GNAO1: variants seen among roughly 807,000 people sequenced by gnomAD.
GNAO1 encodes guanine nucleotide-binding protein G(o) subunit alpha.
For missense variants in GNAO1, 166 were observed against 478.7 expected, an observed-to-expected ratio of 0.35 and a Z score of 6.10; for synonymous variants, 164 against 180.7, an observed-to-expected ratio of 0.91 and a Z score of 0.74.
intron 3 of GNAO1, among the ~76,000 whole-genome samples, chr16:56,294,489 G>A (rs917276635): frequency 3.9e-5 from 6 of 151,998 alleles, no homozygotes; most frequent in African/African-American, 1.4e-4. Context: ...TACCCCAAGT[G>A]TAAACATCAT....
intron 3 of GNAO1, among the ~76,000 whole-genome samples, chr16:56,292,805 A>G (rs1008778151): frequency 7.9e-5 from 12 of 152,104 alleles, no homozygotes; most frequent in African/African-American, 2.9e-4. Flanking sequence ...AAGTATTAAT[A>G]CCTCCCTAGG....
At chr16:56,277,776 T>TACACACACACACAC (rs60891936) in intron 3 of GNAO1, among the ~76,000 whole-genome samples, 23 of 108,204 alleles carry the variant, frequency 2.1e-4, no homozygotes, top group South Asian at 3.6e-4. Context: ...GCACACCCCC[T>TACACACACACACAC]ACACACACAC....
At chr16:56,256,708 CTCTCTCTCTCTGTGTGTGTGTGTG>C (rs1474891674) in intron 2 of GNAO1, among the ~76,000 whole-genome samples, 22 of 119,494 alleles carry the variant, frequency 1.8e-4, no homozygotes, top group Admixed American at 5.3e-4. Flanking sequence ...CTCTCTCTCT[CTCTCTCTCTCTGTGTGTGTGTGTG>C]TGTGTGTGTG....
At chr16:56,251,497 T>C (rs1454821440) in intron 2 of GNAO1, among the ~76,000 whole-genome samples, 1 of 152,242 alleles carries the variant, frequency 6.6e-6, no homozygotes, top group Non-Finnish European at 1.5e-5. Flanking sequence ...TAAATAACTT[T>C]TACAAAATAG....
At chr16:56,343,487 CAA>C (rs5817055) in intron 6 of GNAO1, among the ~76,000 whole-genome samples, 13 of 134,304 alleles carry the variant, frequency 9.7e-5, no homozygotes, top group Non-Finnish European at 1.6e-4. Flanking sequence ...GACCCTATCT[CAA>C]AAAAAAAAAA....
chr16:56,232,416 C>A (rs1299482196), intron 2 of GNAO1, among the ~76,000 whole-genome samples: 6 of 152,140 alleles, frequency 3.9e-5, no homozygotes, highest in Admixed American at 3.9e-4. Context: ...GTGTTCTATA[C>A]CTCCCCTCAG....
intron 2 of GNAO1, among the ~76,000 whole-genome samples, chr16:56,206,858 T>A (rs1455554000): frequency 6.6e-6 from 1 of 152,226 alleles, no homozygotes; most frequent in East Asian, 1.9e-4. Context: ...ATGCTGTGCT[T>A]ACAATTCAGC....
At chr16:56,276,255 C>G (rs2037060816) in intron 3 of GNAO1, 183 bp downstream of exon 3, 1 of 481,230 alleles carries the variant, frequency 2.1e-6, no homozygotes, top group Non-Finnish European at 3.6e-6. Flanking sequence ...AAACTCCCAG[C>G]AAACTCACCA....
intron 2 of GNAO1, among the ~76,000 whole-genome samples, chr16:56,225,275 C>G (rs2036524201): frequency 6.6e-6 from 1 of 152,208 alleles, no homozygotes; most frequent in Admixed American, 6.5e-5. Context: ...GTCATGATGT[C>G]AGGGTTACCA....
At chr16:56,273,420 C>T (rs2037035406) in intron 2 of GNAO1, among the ~76,000 whole-genome samples, 1 of 151,988 alleles carries the variant, frequency 6.6e-6, no homozygotes, top group Non-Finnish European at 1.5e-5. Flanking sequence ...GTTCATAATT[C>T]CCTTCAATTT....
At chr16:56,192,941 T>C (rs1258169577) in intron 2 of GNAO1, 1 of 267,272 alleles carries the variant, frequency 3.7e-6, no homozygotes, top group South Asian at 7.4e-5. Context: ...TGTGGAATAT[T>C]TTCTGTGTCT....
At chr16:56,307,712 C>T (rs554070938) in intron 3 of GNAO1, 1 of 152,258 alleles carries the variant, frequency 6.6e-6, no homozygotes, top group East Asian at 1.9e-4. Flanking sequence ...GTCACTGCTT[C>T]CCACTTGACA....
At chr16:56,234,247 A>T (rs1256078681) in intron 2 of GNAO1, among the ~76,000 whole-genome samples, 6 of 152,236 alleles carry the variant, frequency 3.9e-5, no homozygotes, top group Admixed American at 2.6e-4. Context: ...CTGGTGGGAA[A>T]ACCCAGTAGC....
chr16:56,335,845 G>A (rs571899616), intron 5 of GNAO1, among the ~76,000 whole-genome samples: 2 of 152,346 alleles, frequency 1.3e-5, no homozygotes, highest in African/African-American at 4.8e-5. Flanking sequence ...TTTCAGATGG[G>A]GAGGTGGGAT....
rs534699528 is a variant in GNAO1, at chr16:56,346,154, T to C, written c.724-5230T>C. The C allele has an allele frequency of 3.0e-6, 3 of 985,414 alleles. No homozygotes were observed. The African/African-American group carries it at 5.2e-5, about 17-fold the overall frequency. 61.0% of individuals were successfully genotyped at this position (985,414 alleles called of 1,614,324 possible). On this transcript the variant is annotated intron_variant, in intron 6 of 8. Transcript: ENST00000262493. ...CAATCCTCCCACCCTAGCCTGGGGG[T>C]GGTCCTTGGTCCTCAGGGGTATCCG...
chr16:56,270,210 C>T (rs533263960), intron 2 of GNAO1: 8 of 152,466 alleles, frequency 5.2e-5, no homozygotes, highest in African/African-American at 1.4e-4. Flanking sequence ...TTCCAGAGTC[C>T]AGCTGGCGGT....
chr16:56,328,589 C>A (rs1300116401), intron 3 of GNAO1, 42 bp from the exon 4 acceptor site: 1 of 1,600,832 alleles, frequency 6.2e-7, no homozygotes, highest in Non-Finnish European at 8.5e-7. Context: ...GTCTTCTGTC[C>A]CCACCAAAGC....
chr16:56,208,448 TGCGC>T (rs1252310270), intron 2 of GNAO1, among the ~76,000 whole-genome samples: 7 of 50,166 alleles, frequency 1.4e-4, no homozygotes, highest in Admixed American at 3.8e-4. Context: ...TGTGTGTGTG[TGCGC>T]GCGCGCGCAC....
At chr16:56,273,201 T>C (rs981506329) in intron 2 of GNAO1, among the ~76,000 whole-genome samples, 1 of 152,204 alleles carries the variant, frequency 6.6e-6, no homozygotes, top group Non-Finnish European at 1.5e-5. Flanking sequence ...TCTATGTATG[T>C]TATAAACATA....
Sources: allele counts gnomAD v4.1 joint callset (sites outside exome capture counted in the v4.1 genomes callset), GRCh38; gene constraint gnomAD v4.1.1; transcripts MANE v1.5; gene names NCBI Gene and HGNC (gene_info 2026-07-23, HGNC 2026-07-21).